Variants in PDCL2 observed in about 807,000 individuals in gnomAD.
The protein encoded by PDCL2 is phosducin like 2, also known as phosducin-like protein 2.
In PDCL2, 23 loss-of-function variants were observed where a neutral mutation model predicts 30.3. The observed-to-expected ratio is 0.76, with a 90% confidence interval of 0.55 to 1.08. PDCL2 has a LOEUF of 1.08. Ranked by LOEUF, PDCL2 falls within the 50% of genes least tolerant of loss-of-function variation. The pLI is 0.00. For synonymous variants in PDCL2, 68 were observed against 86.2 expected (o/e 0.79, Z 1.17); for missense variants, 243 against 282.3 (o/e 0.86, Z 1.00).
At chr4:55,584,019 A>G (rs564176917) in intron 1 of PDCL2, among the ~76,000 whole-genome samples, 18 of 152,164 alleles carry the variant, frequency 1.2e-4, no homozygotes, top group Admixed American at 6.5e-4. Flanking sequence ...TTTAACAATA[A>G]TTTTTCCAAT....
chr4:55,563,798 G>A (rs1339801194), intron 4 of PDCL2, among the ~76,000 whole-genome samples: 1 of 152,190 alleles, frequency 6.6e-6, no homozygotes. Flanking sequence ...GGCTATGGGA[G>A]GCAGAGAAGA....
intron 5 of PDCL2, among the ~76,000 whole-genome samples, chr4:55,559,168 T>C (rs1461114455): frequency 5.3e-5 from 8 of 152,154 alleles, no homozygotes; most frequent in African/African-American, 1.9e-4. Flanking sequence ...CAAACACCGA[T>C]GGAAGGATAA....
chr4:55,570,239 A>G (rs945611239), intron 3 of PDCL2, among the ~76,000 whole-genome samples: 1 of 152,218 alleles, frequency 6.6e-6, no homozygotes, highest in Non-Finnish European at 1.5e-5. Context: ...GTTACCAGGC[A>G]CTATTTTAAA....
intron 3 of PDCL2, among the ~76,000 whole-genome samples, chr4:55,571,686 C>CAAAAAAA (rs761336707): frequency 8.1e-5 from 3 of 36,896 alleles, no homozygotes; most frequent in Admixed American, 3.3e-4. Flanking sequence ...GACTCCATCT[C>CAAAAAAA]AAAAAAAAAA....
At chr4:55,574,717 A>G (rs1732519163) in intron 3 of PDCL2, among the ~76,000 whole-genome samples, 1 of 152,114 alleles carries the variant, frequency 6.6e-6, no homozygotes, top group Admixed American at 6.6e-5. Flanking sequence ...TTCTGTCTCT[A>G]TGACTTTTTG....
chr4:55,589,199 T>G (rs530976343), intron 1 of PDCL2, among the ~76,000 whole-genome samples: 1 of 152,194 alleles, frequency 6.6e-6, no homozygotes, highest in Non-Finnish European at 1.5e-5. Context: ...CATTCTGTTA[T>G]CTAAAAATCT....
At chr4:55,575,026 C>T (rs914109917) in intron 3 of PDCL2, among the ~76,000 whole-genome samples, 1 of 152,164 alleles carries the variant, frequency 6.6e-6, no homozygotes, top group African/African-American at 2.4e-5. Flanking sequence ...TTCCCAGTGG[C>T]AATTCAAAGG....
At chr4:55,563,569 A>G (rs568783529) in intron 4 of PDCL2, among the ~76,000 whole-genome samples, 1 of 152,332 alleles carries the variant, frequency 6.6e-6, no homozygotes, top group African/African-American at 2.4e-5. Flanking sequence ...CTCCAAAGGA[A>G]GGTTCACTGA....
intron 1 of PDCL2, among the ~76,000 whole-genome samples, chr4:55,590,350 C>A (rs1202676025): frequency 6.6e-6 from 1 of 150,902 alleles, no homozygotes; most frequent in Non-Finnish European, 1.5e-5. Context: ...TGGTGGCATG[C>A]ACCTGTAGTC....
At chr4:55,588,735 A>G (rs1316316967) in intron 1 of PDCL2, among the ~76,000 whole-genome samples, 1 of 152,190 alleles carries the variant, frequency 6.6e-6, no homozygotes, top group Non-Finnish European at 1.5e-5. Context: ...ATTGAAAAAA[A>G]ATTAACTGTT....
At chr4:55,574,485 TA>T (rs1732510145) in intron 3 of PDCL2, among the ~76,000 whole-genome samples, 1 of 152,188 alleles carries the variant, frequency 6.6e-6, no homozygotes, top group Admixed American at 6.5e-5. Context: ...CAACTGGAAG[TA>T]AAGGTTTCTG....
intron 1 of PDCL2, among the ~76,000 whole-genome samples, chr4:55,589,172 T>G (rs1732938353): frequency 6.6e-6 from 1 of 152,178 alleles, no homozygotes; most frequent in African/African-American, 2.4e-5. Flanking sequence ...ACGGATGTTT[T>G]ATAACCTATT....
rs190159747 is a variant in PDCL2, at chr4:55,581,532, G to A, written c.127+585C>T. 3.9e-5 allele frequency among the ~76,000 whole-genome samples: 6 copies of A among 152,206 alleles called. No homozygotes were observed. In the East Asian group the frequency reaches 9.7e-4, roughly 25 times the overall value. On this transcript the variant is annotated intron_variant, in intron 2 of 5. Transcript: ENST00000295645. ...CATACTATAAAGAATGATCAAAATA[G>A]ATGGTAATAAGGCAGAGGGACATGG... is the stretch of plus-strand genomic sequence containing the variant.
chr4:55,574,607 T>C (rs920968404), intron 3 of PDCL2, among the ~76,000 whole-genome samples: 3 of 152,200 alleles, frequency 2.0e-5, no homozygotes, highest in African/African-American at 7.2e-5. Context: ...CCATCACCAC[T>C]ACCTAATTCA....
chr4:55,572,537 A>G (rs1333355440), intron 3 of PDCL2, among the ~76,000 whole-genome samples: 1 of 152,220 alleles, frequency 6.6e-6, no homozygotes, highest in African/African-American at 2.4e-5. Flanking sequence ...CTGTTGCCAA[A>G]ATAATGGCTC....
rs577496179 is a variant in PDCL2 at position 55,574,662 on chromosome 4, T to C, written c.219-4801A>G. 5.3e-5 allele frequency among the ~76,000 whole-genome samples: 8 copies of C among 152,336 alleles called. No individual in the cohort carries two copies. In the East Asian group the frequency reaches 9.6e-4, roughly 18 times the overall value. ...ACAATAAACCCATATCTATTTGTAGTTACTCCCTATCCCCTATCCTAGGCC... is the reference window on the plus strand; with the variant it reads ...ACAATAAACCCATATCTATTTGTAGCTACTCCCTATCCCCTATCCTAGGCC... On this transcript the variant is annotated intron_variant, in intron 3 of 5. Transcript: ENST00000295645.
chr4:55,572,214 T>C lies in PDCL2; in HGVS notation c.219-2353A>G, dbSNP rs557583734. Among the ~76,000 whole-genome samples, 3 of 152,296 alleles carry C rather than the reference T, an allele frequency of 2.0e-5. No individual in the cohort carries two copies. The East Asian group carries it at 5.8e-4, about 29-fold the overall frequency. ...ACCTAACAAGCCTATCAGTTGGGAT[T>C]CAGTTGCATAAACAGAAGGCCCACT... On this transcript the variant is annotated intron_variant, in intron 3 of 5. Coordinates refer to ENST00000295645, the MANE Select transcript of PDCL2 (RefSeq NM_152401.3).
At chr4:55,582,010 A>G (rs1294677795) in intron 2 of PDCL2, 107 bp downstream of exon 2, 9 of 1,467,406 alleles carry the variant, frequency 6.1e-6, no homozygotes, top group Non-Finnish European at 8.3e-6. Context: ...CCCAGCCTAT[A>G]CTAAATGATT....
chr4:55,574,766 G>C (rs181262706), intron 3 of PDCL2, among the ~76,000 whole-genome samples: 1 of 152,254 alleles, frequency 6.6e-6, no homozygotes, highest in African/African-American at 2.4e-5. Context: ...CATCCATGTT[G>C]TAGAACATAT....
Sources: gnomAD v4.1 joint callset for allele counts (sites outside exome capture counted in the v4.1 genomes callset) on GRCh38, gnomAD v4.1.1 for gene constraint, MANE v1.5 for transcripts, NCBI Gene and HGNC (gene_info 2026-07-23, HGNC 2026-07-21) for gene names.